FAM171A1: variants seen among roughly 807,000 people sequenced by gnomAD.
FAM171A1 encodes protein FAM171A1.
Under a neutral mutation model 74.9 loss-of-function variants are expected in FAM171A1, and 23 were observed. That is an observed-to-expected ratio of 0.31 (90% CI 0.22 to 0.44). The LOEUF (loss-of-function observed/expected upper bound fraction) is 0.44, where lower values mean the gene tolerates loss of function less well. FAM171A1 is among the 20% of genes least tolerant of loss of function. FAM171A1 has a pLI of 1.00. For synonymous variants in FAM171A1, 527 were observed against 505.7 expected (o/e 1.04, Z -0.57); for missense variants, 1,162 against 1,159.2 (o/e 1.00, Z -0.03).
At position 15,214,240 on chromosome 10, in the gene FAM171A1, T is replaced by G. The variant is rs1243392622; in HGVS notation, c.1348A>C (p.Ser450Arg). 6.2e-7 allele frequency: 1 copy of G among 1,614,146 alleles called. No homozygotes were observed. ...SQISFDNLTPSGTLGKDYHKS... is the reference protein window; with the variant it reads ...SQISFDNLTPRGTLGKDYHKS... ...TGGTAGTCTTTCCCCAGCGTCCCAC[T>G]TGGAGTGAGGTTATCAAAGGAGATC... is the stretch of plus-strand genomic sequence containing the variant. Residue 450 changes from serine (S) to arginine (R), a missense_variant, in exon 8 of 8, where the codon AGT becomes CGT. By Grantham distance (110) the Ser-to-Arg change is moderately radical (BLOSUM62 -1). Transcript: ENST00000378116.
chr10:15,351,972 G>A (rs1353813862), intron 1 of FAM171A1, among the ~76,000 whole-genome samples: 1 of 151,858 alleles, frequency 6.6e-6, no homozygotes, highest in Admixed American at 6.6e-5. Context: ...TGGACCACCT[G>A]AGCTTAGGAG....
At position 15,217,926 on chromosome 10, in the gene FAM171A1, C is replaced by T. The variant is rs549287228; in HGVS notation, c.872-1816G>A. ...GATTACAGGCATGAGCCACCGCACC[C>T]GGCCCAGAGAAACAATTTTTTCATG... is the stretch of plus-strand genomic sequence containing the variant. On this transcript the variant is annotated intron_variant, in intron 6 of 7. Transcript: ENST00000378116. 3.5e-4 allele frequency among the ~76,000 whole-genome samples: 53 copies of T among 151,764 alleles called. No homozygotes were observed. In the South Asian group the frequency reaches 6.9e-3, roughly 20 times the overall value.
intron 1 of FAM171A1, among the ~76,000 whole-genome samples, chr10:15,292,282 C>T (rs947572209): frequency 6.6e-6 from 1 of 152,162 alleles, no homozygotes; most frequent in East Asian, 1.9e-4. Context: ...AACAAACTTT[C>T]AGAACACAGA....
chr10:15,369,625 A>G (rs1836109840), intron 1 of FAM171A1, among the ~76,000 whole-genome samples: 1 of 152,250 alleles, frequency 6.6e-6, no homozygotes, highest in South Asian at 2.1e-4. Flanking sequence ...CAAGTGCCAG[A>G]ATATGAAAAC....
At chr10:15,245,107 C>A (rs777036957) in intron 5 of FAM171A1, among the ~76,000 whole-genome samples, 1 of 151,798 alleles carries the variant, frequency 6.6e-6, no homozygotes, top group Non-Finnish European at 1.5e-5. Flanking sequence ...ACTCTGTCAT[C>A]CAAGCTGGAG....
intron 1 of FAM171A1, among the ~76,000 whole-genome samples, chr10:15,294,280 C>A (rs1482349781): frequency 1.3e-5 from 2 of 152,190 alleles, no homozygotes; most frequent in African/African-American, 4.8e-5. Flanking sequence ...TGGGGACCAT[C>A]TCTTTGAAAC....
At chr10:15,260,730 C>T (rs1834644986) in intron 3 of FAM171A1, among the ~76,000 whole-genome samples, 1 of 152,188 alleles carries the variant, frequency 6.6e-6, no homozygotes, top group Non-Finnish European at 1.5e-5. Flanking sequence ...TCCTCCATTT[C>T]AGCACCATTT....
chr10:15,311,685 A>G (rs888779424), intron 1 of FAM171A1, among the ~76,000 whole-genome samples: 1 of 151,146 alleles, frequency 6.6e-6, no homozygotes, highest in Admixed American at 6.6e-5. Context: ...CCTGGGAGGC[A>G]TAGAGTAGGA....
chr10:15,212,920 TA>T lies in FAM171A1; in HGVS notation c.2667del (p.Lys890AsnfsTer53). 6.2e-7 allele frequency: 1 copy of T among 1,613,966 alleles called. No homozygotes were observed. The highest frequency in any genetic ancestry group is 8.5e-7 in the Non-Finnish European group (1 of 1,179,982). On this transcript the variant is annotated frameshift_variant, in exon 8 of 8. Transcript: ENST00000378116. LOFTEE classifies it high-confidence loss of function. ...TCAGGTGGGTCTGCGATAGCTCATTTAATGTTAAACGCCATCAGGGGCCTCT... is the reference window on the plus strand; with the variant it reads ...TCAGGTGGGTCTGCGATAGCTCATTTATGTTAAACGCCATCAGGGGCCTCT... ...REERPLMAFN[I>X]K is the part of the protein sequence containing the mutation.
intron 1 of FAM171A1, among the ~76,000 whole-genome samples, chr10:15,319,957 TTTTA>T (rs773058403): frequency 1.5e-4 from 23 of 152,356 alleles, no homozygotes; most frequent in Non-Finnish European, 2.8e-4. Context: ...CTTTTTAAAC[TTTTA>T]TTTCTTTCCA....
rs188674793 is a variant in FAM171A1 at position 15,302,458 on chromosome 10, T to G, written c.98-18353A>C. On this transcript the variant is annotated intron_variant, in intron 1 of 7. Transcript: ENST00000378116. The stretch of plus-strand genomic sequence containing the variant: ...GCAGCCTGGGCAACAAGAGCGAAAC[T>G]CCATCTCAAAAAAAACAAAACAAAA... Among the ~76,000 whole-genome samples, 20 of 128,302 alleles carry G rather than the reference T, an allele frequency of 1.6e-4. 1 individual carries two copies. The East Asian group carries it at 4.2e-3, about 27-fold the overall frequency. The allele number at this position is 128,302 out of a possible 152,430, so 84.2% of individuals were successfully genotyped here. A position where few individuals can be genotyped will look rare whatever the true frequency, so the allele number is the denominator to read the frequency against.
intron 5 of FAM171A1, among the ~76,000 whole-genome samples, chr10:15,229,310 C>T (rs1004283657): frequency 6.6e-6 from 1 of 152,118 alleles, no homozygotes; most frequent in Admixed American, 6.6e-5. Flanking sequence ...GCTGTCATGG[C>T]TCTGGATGAA....
chr10:15,350,710 C>T (rs1835867727), intron 1 of FAM171A1, among the ~76,000 whole-genome samples: 1 of 151,594 alleles, frequency 6.6e-6, no homozygotes, highest in Admixed American at 6.6e-5. Flanking sequence ...GCCATCTTGG[C>T]TCACTGCAAC....
At chr10:15,373,678 C>T (rs1836174488), upstream of FAM171A1, among the ~76,000 whole-genome samples, 2 of 152,158 alleles carry the variant, frequency 1.3e-5, no homozygotes, top group South Asian at 4.2e-4. Context: ...TGTGACCTCT[C>T]TGTACTATTT....
rs959278084 is a variant in FAM171A1, at chr10:15,267,663, G to C, written c.418+8192C>G. 6.8e-5 allele frequency among the ~76,000 whole-genome samples: 10 copies of C among 146,976 alleles called. No homozygotes were observed. In the East Asian group the frequency reaches 2.0e-3, roughly 30 times the overall value. On this transcript the variant is annotated intron_variant, in intron 3 of 7. Transcript: ENST00000378116. ...GAGAAGAAGGTTGTGTGTGACTGCTGCTTAGGCAGAAGGAGACTGCAGGGG... is the reference window on the plus strand; with the variant it reads ...GAGAAGAAGGTTGTGTGTGACTGCTCCTTAGGCAGAAGGAGACTGCAGGGG...
intron 1 of FAM171A1, among the ~76,000 whole-genome samples, chr10:15,318,677 C>T (rs527370243): frequency 5.9e-5 from 9 of 152,176 alleles, no homozygotes; most frequent in African/African-American, 1.7e-4. Flanking sequence ...CTATTTCCTC[C>T]CTTTCAAGTG....
intron 1 of FAM171A1, 91 bp from the exon 2 acceptor site, chr10:15,284,196 G>T (rs962438362): frequency 8.7e-7 from 1 of 1,153,518 alleles, no homozygotes; most frequent in Non-Finnish European, 1.2e-6. Context: ...GTGGAAGGAG[G>T]GCTCTGTAAG....
chr10:15,298,949 C>T (rs2131825089), intron 1 of FAM171A1, among the ~76,000 whole-genome samples: 1 of 152,268 alleles, frequency 6.6e-6, no homozygotes, highest in Non-Finnish European at 1.5e-5. Context: ...GGGACAGAGT[C>T]TCACTCTGTT....
intron 3 of FAM171A1, among the ~76,000 whole-genome samples, chr10:15,262,799 GTGA>G (rs1405409025): frequency 2.0e-5 from 3 of 152,132 alleles, no homozygotes; most frequent in Non-Finnish European, 4.4e-5. Context: ...GTGAGAGGAG[GTGA>G]TAACAAATGG....
Sources: allele counts gnomAD v4.1 joint callset (sites outside exome capture counted in the v4.1 genomes callset), GRCh38; gene constraint gnomAD v4.1.1; transcripts MANE v1.5; gene names NCBI Gene and HGNC (gene_info 2026-07-23, HGNC 2026-07-21).